Variants in CLSTN2 observed in about 807,000 individuals in gnomAD.
CLSTN2 encodes the protein calsyntenin-2.
A neutral mutation model predicts 101.2 loss-of-function variants in CLSTN2; 48 were observed. The ratio of observed to expected loss-of-function variants is 0.47; its 90% CI spans 0.38 to 0.60. The LOEUF (loss-of-function observed/expected upper bound fraction) is 0.60. CLSTN2 is among the 20% of genes least tolerant of loss of function. The pLI is 0.00. For missense variants in CLSTN2, 1,160 were observed against 1,238.2 expected (o/e 0.94, Z 0.95); for synonymous variants, 481 against 463.6 (o/e 1.04, Z -0.48).
chr3:139,978,626 T>C (rs1935860254), intron 1 of CLSTN2, among the ~76,000 whole-genome samples: 1 of 147,098 alleles, frequency 6.8e-6, no homozygotes, highest in African/African-American at 2.6e-5. Flanking sequence ...CTAACTCTGC[T>C]GGGAGGATGG....
intron 2 of CLSTN2, among the ~76,000 whole-genome samples, chr3:140,209,687 G>A (rs2010831264): frequency 6.6e-6 from 1 of 152,070 alleles, no homozygotes; most frequent in South Asian, 2.1e-4. Flanking sequence ...AGAGGACACT[G>A]ATACTCAGTG....
chr3:139,971,366 G>A (rs552702085), intron 1 of CLSTN2, among the ~76,000 whole-genome samples: 3 of 152,198 alleles, frequency 2.0e-5, no homozygotes, highest in South Asian at 2.1e-4. Context: ...CATTTCTGGT[G>A]TATTCAACAA....
At chr3:140,339,956 G>A (rs892990456) in intron 2 of CLSTN2, among the ~76,000 whole-genome samples, 3 of 152,152 alleles carry the variant, frequency 2.0e-5, no homozygotes, top group Non-Finnish European at 1.5e-5. Flanking sequence ...GTGTTATTTG[G>A]ATGTGTGACT....
chr3:140,196,998 TTGAATTTTAC>T (rs1407663639), intron 2 of CLSTN2, among the ~76,000 whole-genome samples: 1 of 152,158 alleles, frequency 6.6e-6, no homozygotes, highest in Non-Finnish European at 1.5e-5. Flanking sequence ...TAAATACAAA[TTGAATTTTAC>T]TTTGCAGAAT....
chr3:140,045,524 C>T (rs2007858919), intron 1 of CLSTN2, among the ~76,000 whole-genome samples: 1 of 152,148 alleles, frequency 6.6e-6, no homozygotes, highest in South Asian at 2.1e-4. Context: ...TCTCTATCTC[C>T]TTCAGTTCTG....
chr3:140,248,859 G>A (rs1320490376), intron 2 of CLSTN2, among the ~76,000 whole-genome samples: 3 of 152,274 alleles, frequency 2.0e-5, no homozygotes, highest in East Asian at 1.9e-4. Context: ...CTCCCACTAA[G>A]TAACTATATG....
intron 1 of CLSTN2, among the ~76,000 whole-genome samples, chr3:140,090,669 G>A (rs2008763572): frequency 6.6e-6 from 1 of 152,134 alleles, no homozygotes. Context: ...GAATCTCATG[G>A]GAAGAGTGGG....
intron 1 of CLSTN2, among the ~76,000 whole-genome samples, chr3:140,036,737 G>A (rs537214155): frequency 1.8e-4 from 27 of 151,018 alleles, no homozygotes; most frequent in Non-Finnish European, 2.1e-4. Context: ...TCTTTACAGG[G>A]GGCCCAACAT....
intron 1 of CLSTN2, among the ~76,000 whole-genome samples, chr3:140,136,719 G>C (rs2009621488): frequency 6.6e-6 from 1 of 152,224 alleles, no homozygotes; most frequent in African/African-American, 2.4e-5. Context: ...TTGCCTTGCA[G>C]AGTTGTTGTG....
chr3:140,347,471 T>A (rs572496989), intron 2 of CLSTN2, among the ~76,000 whole-genome samples: 3 of 152,364 alleles, frequency 2.0e-5, no homozygotes, highest in Admixed American at 1.3e-4. Context: ...TAACTCATCA[T>A]GATTCTGCTG....
At chr3:140,093,010 G>A (rs1398164258) in intron 1 of CLSTN2, among the ~76,000 whole-genome samples, 1 of 152,136 alleles carries the variant, frequency 6.6e-6, no homozygotes, top group Non-Finnish European at 1.5e-5. Flanking sequence ...CAGAGTGTGG[G>A]TATACCATCT....
chr3:140,144,477 A>G (rs1386091994), intron 1 of CLSTN2, among the ~76,000 whole-genome samples: 1 of 152,060 alleles, frequency 6.6e-6, no homozygotes, highest in East Asian at 1.9e-4. Flanking sequence ...TTAGCCGGGC[A>G]TGGTGGTGGG....
Position 140,375,753 on chromosome 3 carries a change from A to G in CLSTN2, c.233-27876A>G, listed in dbSNP as rs928033052. ...ATTTTAGCCCTGTTATTTGCCTTAC[A>G]TGTTGTTTTAAATGATTCTGTCTTT... On this transcript the variant is annotated intron_variant, in intron 2 of 16. Transcript: ENST00000458420. Among the ~76,000 whole-genome samples the G allele has an allele frequency of 3.3e-5, 5 of 151,980 alleles. No individual in the cohort carries two copies. The South Asian group carries it at 6.2e-4, about 19-fold the overall frequency.
intron 1 of CLSTN2, among the ~76,000 whole-genome samples, chr3:140,049,394 A>G (rs7641513): frequency 0.021 from 3,163 of 152,340 alleles, 95 homozygotes; most frequent in African/African-American, 0.07. Flanking sequence ...ATCACCAATT[A>G]TAATCTTTAG....
chr3:140,216,809 A>G lies in CLSTN2; in HGVS notation c.232+40736A>G, dbSNP rs548687189. On this transcript the variant is annotated intron_variant, in intron 2 of 16. Coordinates refer to ENST00000458420, the MANE Select transcript of CLSTN2 (RefSeq NM_022131.3). Reference sequence around the variant, plus strand: ...GTAATGGATGTGAAATAGGAAGAATATACTCAGACAAGACCAGGCAGAAAA... The same window carrying G: ...GTAATGGATGTGAAATAGGAAGAATGTACTCAGACAAGACCAGGCAGAAAA... Among the ~76,000 whole-genome samples the G allele has an allele frequency of 6.6e-5, 10 of 152,356 alleles. No individual in the cohort carries two copies. In the South Asian group the frequency reaches 2.1e-3, roughly 32 times the overall value.
intron 8 of CLSTN2, among the ~76,000 whole-genome samples, chr3:140,489,863 C>G (rs972743468): frequency 6.6e-6 from 1 of 150,964 alleles, no homozygotes; most frequent in Non-Finnish European, 1.5e-5. Context: ...GAAATAGAAA[C>G]GCTGAGTTTT....
Position 140,303,148 on chromosome 3 carries a change from C to T in CLSTN2, c.233-100481C>T, listed in dbSNP as rs552010064. Among the ~76,000 whole-genome samples, 37 of 152,298 alleles carry T rather than the reference C, an allele frequency of 2.4e-4. 1 individual carries two copies. In the South Asian group the frequency reaches 7.0e-3, roughly 29 times the overall value. On this transcript the variant is annotated intron_variant, in intron 2 of 16. Coordinates refer to ENST00000458420, the MANE Select transcript of CLSTN2 (RefSeq NM_022131.3). ...TCTCAGTTTAGGTTCTAACTGTTCA[C>T]GAGATGAAACAAGAGCATGAACATC... is the stretch of plus-strand genomic sequence containing the variant.
At chr3:140,416,243 A>G (rs1313933221) in intron 4 of CLSTN2, among the ~76,000 whole-genome samples, 5 of 152,184 alleles carry the variant, frequency 3.3e-5, no homozygotes, top group Non-Finnish European at 7.3e-5. Flanking sequence ...ATCATAGCAT[A>G]TAAACTTTAG....
At chr3:140,168,858 A>G (rs548313401) in intron 1 of CLSTN2, among the ~76,000 whole-genome samples, 13 of 152,222 alleles carry the variant, frequency 8.5e-5, no homozygotes, top group Middle Eastern at 3.4e-3. Context: ...GTATACATCT[A>G]TCTTTATATT....
Sources: gnomAD v4.1 joint callset for allele counts (sites outside exome capture counted in the v4.1 genomes callset) on GRCh38, gnomAD v4.1.1 for gene constraint, MANE v1.5 for transcripts, NCBI Gene and HGNC (gene_info 2026-07-23, HGNC 2026-07-21) for gene names.